NXPH1: variants seen among roughly 807,000 people sequenced by gnomAD.
NXPH1 encodes the protein neurexophilin-1.
A neutral mutation model predicts 23.7 loss-of-function variants in NXPH1; 5 were observed. That is an observed-to-expected ratio of 0.21 (90% CI 0.11 to 0.44). NXPH1 has a LOEUF of 0.44. NXPH1 is among the 20% of genes least tolerant of loss of function. The pLI is 0.99. For missense variants in NXPH1, 324 were observed against 321.6 expected (o/e 1.01, Z -0.06); for synonymous variants, 144 against 122.2 (o/e 1.18, Z -1.18).
At chr7:8,534,375 T>A (rs1817994835) in intron 2 of NXPH1, among the ~76,000 whole-genome samples, 1 of 152,134 alleles carries the variant, frequency 6.6e-6, no homozygotes, top group East Asian at 1.9e-4. Context: ...TGGAATCTAT[T>A]TACTACTAGG....
chr7:8,698,772 G>A lies in NXPH1; in HGVS notation c.55-52236G>A, dbSNP rs761955734. ...AAGTTTATGGTTATGACCAGTTTAG[G>A]CTAGATGAAATTAGAATTGGTAGTC... On this transcript the variant is annotated intron_variant, in intron 2 of 2. Coordinates refer to ENST00000405863, the MANE Select transcript of NXPH1 (RefSeq NM_152745.3). Among the ~76,000 whole-genome samples, 64 of 152,178 alleles carry A rather than the reference G, an allele frequency of 4.2e-4. 1 individual carries two copies. Among genetic ancestry groups the A allele is most frequent in the African/African-American group, 1.0e-3 (43 of 41,536 alleles).
At chr7:8,715,092 G>A (rs2115201040) in intron 2 of NXPH1, among the ~76,000 whole-genome samples, 1 of 152,282 alleles carries the variant, frequency 6.6e-6, no homozygotes, top group Middle Eastern at 3.4e-3. Flanking sequence ...AGTCTGTGGT[G>A]GTGAGGCTTG....
chr7:8,492,429 G>A (rs1817263181), intron 2 of NXPH1, among the ~76,000 whole-genome samples: 1 of 151,944 alleles, frequency 6.6e-6, no homozygotes, highest in East Asian at 1.9e-4. Context: ...TTTAAACTCT[G>A]CAAAATAGAA....
chr7:8,547,046 A>T (rs1005349936), intron 2 of NXPH1, among the ~76,000 whole-genome samples: 1 of 151,378 alleles, frequency 6.6e-6, no homozygotes, highest in African/African-American at 2.4e-5. Flanking sequence ...TCCTAAACTG[A>T]GATGGTTAGC....
In NXPH1 at chr7:8,663,926, C is replaced by T. The variant is rs557718817; in HGVS notation, c.55-87082C>T. ...GCTACCCTTTTTACTGGATTTAGAA[C>T]GCCATGTATGATGCTTTAACTTTCC... is the stretch of plus-strand genomic sequence containing the variant. On this transcript the variant is annotated intron_variant, in intron 2 of 2. Transcript: ENST00000405863. 7.7e-4 allele frequency among the ~76,000 whole-genome samples: 117 copies of T among 152,146 alleles called. No homozygotes were observed. The South Asian group carries it at 0.011, about 15-fold the overall frequency.
At chr7:8,457,135 A>G (rs1816609737) in intron 2 of NXPH1, among the ~76,000 whole-genome samples, 1 of 152,160 alleles carries the variant, frequency 6.6e-6, no homozygotes, top group African/African-American at 2.4e-5. Context: ...GGTGTTTTCA[A>G]ACTCTTTACC....
intron 2 of NXPH1, among the ~76,000 whole-genome samples, chr7:8,503,243 T>C (rs1171267088): frequency 6.6e-6 from 1 of 152,014 alleles, no homozygotes; most frequent in East Asian, 1.9e-4. Flanking sequence ...ATTTTATAGA[T>C]AAGGAAACTG....
intron 2 of NXPH1, among the ~76,000 whole-genome samples, chr7:8,628,940 A>C (rs1351613889): frequency 6.6e-6 from 1 of 151,186 alleles, no homozygotes; most frequent in African/African-American, 2.4e-5. Flanking sequence ...CATTAGGCTA[A>C]TGAGATTGGT....
intron 2 of NXPH1, among the ~76,000 whole-genome samples, chr7:8,604,746 T>C (rs777253509): frequency 1.3e-5 from 2 of 152,138 alleles, no homozygotes; most frequent in African/African-American, 2.4e-5. Flanking sequence ...ACTAGACTAC[T>C]AGTGGCAATA....
intron 2 of NXPH1, among the ~76,000 whole-genome samples, chr7:8,521,232 T>G (rs1817765705): frequency 6.6e-6 from 1 of 152,188 alleles, no homozygotes; most frequent in Admixed American, 6.5e-5. Flanking sequence ...ACAATCAAAG[T>G]GCAGTTTAAA....
chr7:8,553,410 T>G (rs1818308919), intron 2 of NXPH1, among the ~76,000 whole-genome samples: 1 of 150,990 alleles, frequency 6.6e-6, no homozygotes, highest in Admixed American at 6.6e-5. Flanking sequence ...ATATTTAAAA[T>G]GATGGAGCAG....
chr7:8,544,362 A>C (rs1467783046), intron 2 of NXPH1, among the ~76,000 whole-genome samples: 1 of 151,554 alleles, frequency 6.6e-6, no homozygotes, highest in Non-Finnish European at 1.5e-5. Flanking sequence ...CGATTGTGTC[A>C]ATCAGAAAGG....
At chr7:8,575,422 A>C (rs183100756) in intron 2 of NXPH1, among the ~76,000 whole-genome samples, 49 of 152,268 alleles carry the variant, frequency 3.2e-4, no homozygotes, top group Admixed American at 2.9e-3. Context: ...TTTATATGTG[A>C]CTGTCCTAAT....
chr7:8,610,300 A>T (rs564059133), intron 2 of NXPH1, among the ~76,000 whole-genome samples: 1 of 152,292 alleles, frequency 6.6e-6, no homozygotes, highest in African/African-American at 2.4e-5. Flanking sequence ...AAGAATGTTG[A>T]ATTAGCTAGG....
chr7:8,640,564 G>T (rs1820291989), intron 2 of NXPH1, among the ~76,000 whole-genome samples: 1 of 151,900 alleles, frequency 6.6e-6, no homozygotes. Flanking sequence ...TTTATTGTGT[G>T]TTTTAATATA....
At chr7:8,505,020 C>T (rs955103187) in intron 2 of NXPH1, among the ~76,000 whole-genome samples, 1 of 152,048 alleles carries the variant, frequency 6.6e-6, no homozygotes, top group African/African-American at 2.4e-5. Context: ...AGCTACACAG[C>T]CCTGCAAGAG....
intron 2 of NXPH1, among the ~76,000 whole-genome samples, chr7:8,498,718 C>T (rs968032122): frequency 6.6e-6 from 1 of 152,020 alleles, no homozygotes; most frequent in Non-Finnish European, 1.5e-5. Context: ...AGTCAATGAA[C>T]ACTCTATTTT....
intron 2 of NXPH1, among the ~76,000 whole-genome samples, chr7:8,738,655 T>C (rs1019953485): frequency 7.2e-5 from 11 of 152,178 alleles, no homozygotes; most frequent in African/African-American, 2.4e-4. Flanking sequence ...AGTGCTATGC[T>C]GGGAGATCTG....
chr7:8,455,044 CAGTAG>C (rs796933892), intron 2 of NXPH1, among the ~76,000 whole-genome samples: 4 of 152,156 alleles, frequency 2.6e-5, no homozygotes, highest in African/African-American at 9.6e-5. Flanking sequence ...TAGCCATTAA[CAGTAG>C]AGTAAATTGT....
Sources: gnomAD v4.1 joint callset for allele counts (sites outside exome capture counted in the v4.1 genomes callset) on GRCh38, gnomAD v4.1.1 for gene constraint, MANE v1.5 for transcripts, NCBI Gene and HGNC (gene_info 2026-07-23, HGNC 2026-07-21) for gene names.